CMSS1: variants seen among roughly 807,000 people sequenced by gnomAD.
The protein encoded by CMSS1 is cms1 ribosomal small subunit homolog.
In CMSS1, 33 loss-of-function variants were observed where a neutral mutation model predicts 43.5. The ratio of observed to expected loss-of-function variants is 0.76; its 90% confidence interval spans 0.57 to 1.01. The LOEUF is 1.01. Among genes scored for constraint, CMSS1 ranks in the 50% least tolerant of loss-of-function variants. The pLI, the probability that CMSS1 is intolerant of heterozygous loss-of-function variation, is 0.00. For synonymous variants in CMSS1, 115 were observed against 117.2 expected (o/e 0.98, Z 0.12); for missense variants, 313 against 326.4 (o/e 0.96, Z 0.32).
chr3:99,998,666 G>A (rs531404800), intron 1 of CMSS1, among the ~76,000 whole-genome samples: 8 of 152,102 alleles, frequency 5.3e-5, no homozygotes, highest in Non-Finnish European at 8.8e-5. Flanking sequence ...GGGTTCACGC[G>A]ATTCTCCCGC....
intron 1 of CMSS1, among the ~76,000 whole-genome samples, chr3:100,099,239 A>G (rs1448249074): frequency 6.6e-6 from 1 of 152,208 alleles, no homozygotes; most frequent in Non-Finnish European, 1.5e-5. Context: ...TCATCTTAGT[A>G]CGCACACTAG....
At chr3:99,958,055 ACTT>A (rs949456383) in intron 1 of CMSS1, among the ~76,000 whole-genome samples, 1 of 145,232 alleles carries the variant, frequency 6.9e-6, no homozygotes, top group South Asian at 2.2e-4. Context: ...CAGAAATGTC[ACTT>A]CTTTTTTTTT....
At chr3:99,860,018 A>G (rs1456936889) in intron 1 of CMSS1, among the ~76,000 whole-genome samples, 1 of 152,232 alleles carries the variant, frequency 6.6e-6, no homozygotes. Context: ...AGATCAGTAG[A>G]ACAGTAACAC....
At chr3:99,820,051 C>T (rs1489868454) in intron 1 of CMSS1, among the ~76,000 whole-genome samples, 2 of 152,012 alleles carry the variant, frequency 1.3e-5, no homozygotes, top group Non-Finnish European at 2.9e-5. Context: ...CCGTGCCTGG[C>T]CCCCAACAGT....
intron 1 of CMSS1, chr3:99,876,336 G>T: frequency 2.1e-6 from 1 of 474,506 alleles, no homozygotes; most frequent in Non-Finnish European, 2.8e-6. Context: ...GGATGTTCCG[G>T]CCGTGTGAAC....
At position 99,971,822 on chromosome 3, in the gene CMSS1, A is replaced by G. The variant is rs146417086; in HGVS notation, c.64+153779A>G. On this transcript the variant is annotated intron_variant, in intron 1 of 9. Coordinates refer to ENST00000421999, the MANE Select transcript of CMSS1 (RefSeq NM_032359.4). ...CAGAGTCGGTTCCTAGCTTGAATGAATGAATGAATAATGACGTTGGGGCCT... is the reference window on the plus strand; with the variant it reads ...CAGAGTCGGTTCCTAGCTTGAATGAGTGAATGAATAATGACGTTGGGGCCT... Among the ~76,000 whole-genome samples, 646 of 152,352 alleles carry G rather than the reference A, an allele frequency of 4.2e-3. 2 individuals carry two copies. Among genetic ancestry groups the G allele is most frequent in the Non-Finnish European group, 5.7e-3 (385 of 68,040 alleles).
At chr3:100,052,989 C>A (rs894770933) in intron 1 of CMSS1, among the ~76,000 whole-genome samples, 3 of 152,088 alleles carry the variant, frequency 2.0e-5, no homozygotes, top group Non-Finnish European at 4.4e-5. Context: ...CTCTGTATAT[C>A]ACCTGTGGAG....
intron 7 of CMSS1, 64 bp downstream of exon 7, chr3:100,171,963 C>A (rs1198032086): frequency 8.5e-7 from 1 of 1,181,958 alleles, no homozygotes; most frequent in Non-Finnish European, 1.3e-6. Context: ...TCCTTTCAAC[C>A]TCTTCTCCTA....
chr3:100,163,545 A>G (rs1240679521), intron 4 of CMSS1, among the ~76,000 whole-genome samples: 12 of 152,108 alleles, frequency 7.9e-5, no homozygotes. Context: ...ATATTTATTT[A>G]TTTATTTTAG....
At chr3:99,845,001 T>A (rs1384115441) in intron 1 of CMSS1, among the ~76,000 whole-genome samples, 2 of 152,200 alleles carry the variant, frequency 1.3e-5, no homozygotes, top group East Asian at 3.9e-4. Flanking sequence ...CAGGTATTCT[T>A]TATAGCAGTA....
chr3:99,999,158 A>T (rs1275679342), intron 1 of CMSS1, among the ~76,000 whole-genome samples: 2 of 152,208 alleles, frequency 1.3e-5, no homozygotes, highest in Non-Finnish European at 2.9e-5. Flanking sequence ...AGTGTTGAAG[A>T]TACTGAGTAA....
At chr3:99,872,079 A>C in intron 1 of CMSS1, among the ~76,000 whole-genome samples, 1 of 152,068 alleles carries the variant, frequency 6.6e-6, no homozygotes, top group African/African-American at 2.4e-5. Context: ...CCTAGCACTA[A>C]TTAAGGAAAA....
intron 1 of CMSS1, among the ~76,000 whole-genome samples, chr3:99,886,600 C>CA (rs369804940): frequency 4.7e-5 from 7 of 149,956 alleles, no homozygotes; most frequent in Admixed American, 6.6e-5. Flanking sequence ...AACAAAGGCC[C>CA]AAAAAAAAAT....
intron 1 of CMSS1, among the ~76,000 whole-genome samples, chr3:100,080,467 T>C (rs527494657): frequency 6.6e-5 from 10 of 152,260 alleles, no homozygotes; most frequent in African/African-American, 2.2e-4. Flanking sequence ...CTAGACAATT[T>C]CAATTTTATA....
chr3:99,818,166 G>A, intron 1 of CMSS1, 123 bp downstream of exon 1: 1 of 823,674 alleles, frequency 1.2e-6, no homozygotes, highest in Admixed American at 2.3e-5. Flanking sequence ...CCTTGGGAGC[G>A]CGCAAGCATC....
At chr3:100,056,692 C>A (rs1445346032) in intron 1 of CMSS1, among the ~76,000 whole-genome samples, 1 of 150,108 alleles carries the variant, frequency 6.7e-6, no homozygotes, top group Admixed American at 6.7e-5. Context: ...GGTAGCAGCT[C>A]TAGACCATTA....
intron 1 of CMSS1, among the ~76,000 whole-genome samples, chr3:99,871,417 T>C (rs1944780813): frequency 6.6e-6 from 1 of 152,234 alleles, no homozygotes; most frequent in Non-Finnish European, 1.5e-5. Flanking sequence ...CTCGGTACTT[T>C]CCTAGGCACT....
intron 1 of CMSS1, among the ~76,000 whole-genome samples, chr3:100,021,960 T>TGTGTGTGTGAGAGAGA (rs1321185364): frequency 1.1e-5 from 1 of 93,290 alleles, no homozygotes; most frequent in South Asian, 4.4e-4. Flanking sequence ...TGTGTGTGTG[T>TGTGTGTGTGAGAGAGA]GAGAGAGAGA....
intron 1 of CMSS1, among the ~76,000 whole-genome samples, chr3:99,916,064 G>A (rs1322799037): frequency 1.3e-5 from 2 of 152,172 alleles, no homozygotes; most frequent in African/African-American, 4.8e-5. Flanking sequence ...TGTCTGAATA[G>A]CTGGTTAAAC....
Sources: allele counts gnomAD v4.1 joint callset (sites outside exome capture counted in the v4.1 genomes callset), GRCh38; gene constraint gnomAD v4.1.1; transcripts MANE v1.5; gene names NCBI Gene and HGNC (gene_info 2026-07-23, HGNC 2026-07-21).